FNIP1: variants seen among roughly 807,000 people sequenced by gnomAD.
The protein encoded by FNIP1 is folliculin-interacting protein 1.
Under a neutral mutation model 124.5 loss-of-function variants are expected in FNIP1, and 40 were observed. The observed-to-expected ratio is 0.32, with a 90% CI of 0.25 to 0.42. The LOEUF is 0.42. Ranked by LOEUF, FNIP1 falls within the 10% of genes least tolerant of loss-of-function variation. The pLI is 1.00. For missense variants in FNIP1, 1,176 were observed against 1,403.7 expected (o/e 0.84, Z 2.59); for synonymous variants, 472 against 470.6 (o/e 1.00, Z -0.04).
intron 1 of FNIP1, 180 bp downstream of exon 1, chr5:131,796,650 G>C (rs537159414): frequency 1.7e-6 from 1 of 597,984 alleles, no homozygotes; most frequent in Non-Finnish European, 2.9e-6. Flanking sequence ...AAAATAAAAG[G>C]TAGGACCTCG....
At position 131,757,136 on chromosome 5, in the gene FNIP1, T is replaced by C. The variant is rs1006418952; in HGVS notation, c.93-12446A>G. Among the ~76,000 whole-genome samples the C allele has an allele frequency of 4.6e-5, 7 of 152,224 alleles. No individual in the cohort carries two copies. In the South Asian group the frequency reaches 6.2e-4, roughly 14 times the overall value. On this transcript the variant is annotated intron_variant, in intron 1 of 17. Transcript: ENST00000510461. ...GGAAGTATAAAACAAACACATATAG[T>C]GGTCTCAACGAAGTTAAAGCACAAG...
At chr5:131,737,507 T>C (rs1435128268) in intron 2 of FNIP1, among the ~76,000 whole-genome samples, 2 of 152,210 alleles carry the variant, frequency 1.3e-5, no homozygotes, top group Non-Finnish European at 2.9e-5. Context: ...CTCTTTCACC[T>C]TAACTCTTAA....
chr5:131,671,443 C>A, intron 14 of FNIP1, 62 bp downstream of exon 14: 1 of 1,307,246 alleles, frequency 7.6e-7, no homozygotes, highest in Admixed American at 2.2e-5. Flanking sequence ...CAGAGAACAG[C>A]TAAAAAAGAG....
chr5:131,677,590 T>A, intron 13 of FNIP1, 113 bp downstream of exon 13: 1 of 1,000,552 alleles, frequency 1.0e-6, no homozygotes, highest in Non-Finnish European at 1.5e-6. Context: ...GCAGAGATGC[T>A]TTAGAATGCA....
rs772621370 is a variant in FNIP1, at chr5:131,744,554, T to C, written c.219+10A>G. On this transcript the variant is annotated intron_variant, in intron 2 of 17. Coordinates refer to ENST00000510461, the MANE Select transcript of FNIP1 (RefSeq NM_133372.3). Reference sequence around the variant, plus strand: ...CATTAAAAGTCAACCAAATCAATAATGATGCTCACCGATACTGATATGTCC... The same window carrying C: ...CATTAAAAGTCAACCAAATCAATAACGATGCTCACCGATACTGATATGTCC... The C allele has an allele frequency of 3.8e-6, 6 of 1,575,712 alleles. No individual in the cohort carries two copies. The South Asian group carries it at 4.7e-5, about 12-fold the overall frequency.
At chr5:131,702,963 C>T (rs1285321592) in intron 10 of FNIP1, among the ~76,000 whole-genome samples, 2 of 152,220 alleles carry the variant, frequency 1.3e-5, no homozygotes, top group African/African-American at 2.4e-5. Flanking sequence ...TGCCAATCTC[C>T]ATCAGTTTCA....
chr5:131,715,968 A>G (rs1769454683), intron 6 of FNIP1, among the ~76,000 whole-genome samples: 5 of 152,202 alleles, frequency 3.3e-5, no homozygotes, highest in Admixed American at 2.0e-4. Flanking sequence ...AAGTATCGCA[A>G]TACAGCAGCA....
At chr5:131,734,053 C>T (rs1208995561) in intron 2 of FNIP1, among the ~76,000 whole-genome samples, 1 of 152,068 alleles carries the variant, frequency 6.6e-6, no homozygotes, top group African/African-American at 2.4e-5. Flanking sequence ...CTGGTTTAGT[C>T]TTGGGAGGAT....
intron 11 of FNIP1, among the ~76,000 whole-genome samples, chr5:131,697,791 C>G (rs1468696016): frequency 6.6e-6 from 1 of 151,154 alleles, no homozygotes; most frequent in Non-Finnish European, 1.5e-5. Flanking sequence ...CATGGTGAAA[C>G]CCCGTCTCTA....
Position 131,663,270 on chromosome 5 carries a change from T to C in FNIP1, c.3108+7193A>G, listed in dbSNP as rs77508701. On this transcript the variant is annotated intron_variant, in intron 15 of 17. Coordinates refer to ENST00000510461, the MANE Select transcript of FNIP1 (RefSeq NM_133372.3). Reference sequence around the variant, plus strand: ...ACAGTTAGAAATCGACTTAATTAAATAGCTGATATTTGGGCTATATATACA... The same window carrying C: ...ACAGTTAGAAATCGACTTAATTAAACAGCTGATATTTGGGCTATATATACA... Among the ~76,000 whole-genome samples the C allele has an allele frequency of 4.7e-3, 719 of 152,362 alleles. 9 individuals carry two copies. Among genetic ancestry groups the C allele is most frequent in the African/African-American group, 0.016 (679 of 41,584 alleles).
chr5:131,699,395 C>CT (rs1230600109), intron 10 of FNIP1, among the ~76,000 whole-genome samples: 11,229 of 135,974 alleles, frequency 0.083, 1,000 homozygotes, highest in African/African-American at 0.21. Context: ...CTGTTAACTC[C>CT]TTTTTTTTTT....
At chr5:131,781,455 C>T (rs749484288) in intron 1 of FNIP1, among the ~76,000 whole-genome samples, 2 of 152,182 alleles carry the variant, frequency 1.3e-5, no homozygotes, top group Admixed American at 6.5e-5. Flanking sequence ...GCTGACTCTC[C>T]TGTTAGGGGC....
At chr5:131,662,766 G>A (rs1305474155) in intron 15 of FNIP1, among the ~76,000 whole-genome samples, 1 of 112,102 alleles carries the variant, frequency 8.9e-6, no homozygotes, top group Admixed American at 1.3e-4. Flanking sequence ...TTGAGATGGT[G>A]TCTCACTCTG....
chr5:131,765,316 T>C (rs568713447), intron 1 of FNIP1, among the ~76,000 whole-genome samples: 1 of 152,304 alleles, frequency 6.6e-6, no homozygotes, highest in Non-Finnish European at 1.5e-5. Context: ...TCCTTTTCTA[T>C]TGATTCATAT....
At chr5:131,658,214 A>G (rs1767269389) in intron 15 of FNIP1, among the ~76,000 whole-genome samples, 1 of 152,176 alleles carries the variant, frequency 6.6e-6, no homozygotes, top group Non-Finnish European at 1.5e-5. Context: ...TTGACGTTAG[A>G]CAATCTAGCA....
chr5:131,742,146 T>A (rs1223919925), intron 2 of FNIP1, among the ~76,000 whole-genome samples: 2 of 152,210 alleles, frequency 1.3e-5, no homozygotes, highest in Admixed American at 6.5e-5. Flanking sequence ...CTAATTTTTT[T>A]AAAAAGAATG....
intron 15 of FNIP1, among the ~76,000 whole-genome samples, chr5:131,654,155 T>C (rs550975701): frequency 6.6e-6 from 1 of 152,362 alleles, no homozygotes; most frequent in East Asian, 1.9e-4. Context: ...ACAAGGCATA[T>C]GGCTATGTCC....
At chr5:131,688,195 A>G (rs1041867750) in intron 11 of FNIP1, among the ~76,000 whole-genome samples, 4 of 152,130 alleles carry the variant, frequency 2.6e-5, no homozygotes. Flanking sequence ...GCTCCAGTGT[A>G]ACAAATGCAG....
At chr5:131,792,031 T>G (rs1022241587) in intron 1 of FNIP1, among the ~76,000 whole-genome samples, 1 of 152,226 alleles carries the variant, frequency 6.6e-6, no homozygotes, top group Non-Finnish European at 1.5e-5. Flanking sequence ...GAAAGCCATG[T>G]GCTAAGCACC....
Sources: gnomAD v4.1 joint callset for allele counts (sites outside exome capture counted in the v4.1 genomes callset) on GRCh38, gnomAD v4.1.1 for gene constraint, MANE v1.5 for transcripts, NCBI Gene and HGNC (gene_info 2026-07-23, HGNC 2026-07-21) for gene names.